BRINP3: variants seen among roughly 807,000 people sequenced by gnomAD.
BRINP3 encodes the protein BMP/retinoic acid inducible neural specific 3.
A neutral mutation model predicts 71.0 loss-of-function variants in BRINP3; 19 were observed. The observed-to-expected ratio is 0.27, with a 90% CI of 0.19 to 0.39. BRINP3 has a LOEUF of 0.39. Ranked by LOEUF, BRINP3 falls within the 10% of genes least tolerant of loss-of-function variation. BRINP3 has a pLI of 1.00. For missense variants in BRINP3, 959 were observed against 940.8 expected, an observed-to-expected ratio of 1.02 and a Z score of -0.25; for synonymous variants, 380 against 337.7, an observed-to-expected ratio of 1.13 and a Z score of -1.37.
At chr1:190,293,983 A>C (rs1664061339) in intron 2 of BRINP3, among the ~76,000 whole-genome samples, 1 of 152,124 alleles carries the variant, frequency 6.6e-6, no homozygotes, top group Admixed American at 6.6e-5. Context: ...TAATTCATTC[A>C]GCCACAAAAT....
At chr1:190,276,632 T>TAC (rs879430917) in intron 3 of BRINP3, among the ~76,000 whole-genome samples, 9 of 150,048 alleles carry the variant, frequency 6.0e-5, no homozygotes, top group Admixed American at 3.3e-4. Flanking sequence ...TAGTTTTACA[T>TAC]ACACACACAC....
At chr1:190,325,188 T>G (rs1207446365) in intron 2 of BRINP3, among the ~76,000 whole-genome samples, 1 of 151,988 alleles carries the variant, frequency 6.6e-6, no homozygotes, top group Non-Finnish European at 1.5e-5. Context: ...GTGTATTTTC[T>G]GTAATAAAAA....
intron 2 of BRINP3, among the ~76,000 whole-genome samples, chr1:190,404,646 T>G (rs74130739): frequency 0.022 from 3,297 of 152,296 alleles, 120 homozygotes; most frequent in African/African-American, 0.074. Flanking sequence ...TCATACGCAT[T>G]ATGTCATTTG....
chr1:190,447,292 TA>T (rs1213496565), intron 2 of BRINP3, among the ~76,000 whole-genome samples: 2 of 92,962 alleles, frequency 2.2e-5, no homozygotes, highest in Non-Finnish European at 5.2e-5. Flanking sequence ...ATATATAGTG[TA>T]AAATAGTATA....
At chr1:190,313,113 TA>T (rs1276654981) in intron 2 of BRINP3, among the ~76,000 whole-genome samples, 2 of 151,660 alleles carry the variant, frequency 1.3e-5, no homozygotes, top group African/African-American at 2.4e-5. Context: ...TGAAAAAAAA[TA>T]AGTAAAATTA....
intron 2 of BRINP3, among the ~76,000 whole-genome samples, chr1:190,389,367 C>G (rs1483596787): frequency 6.6e-6 from 1 of 151,482 alleles, no homozygotes; most frequent in Non-Finnish European, 1.5e-5. Flanking sequence ...ATGTGAATCT[C>G]AAGAAAAAAT....
At chr1:190,117,875 T>G (rs1653283745) in intron 7 of BRINP3, among the ~76,000 whole-genome samples, 1 of 152,060 alleles carries the variant, frequency 6.6e-6, no homozygotes, top group South Asian at 2.1e-4. Flanking sequence ...TTTCTCCTCA[T>G]GCCATTGACT....
intron 2 of BRINP3, among the ~76,000 whole-genome samples, chr1:190,430,513 C>G (rs1256666788): frequency 6.6e-6 from 1 of 152,034 alleles, no homozygotes; most frequent in Non-Finnish European, 1.5e-5. Flanking sequence ...GCTCAGTGTG[C>G]CTAAGCCAGA....
chr1:190,245,857 G>T (rs192323327), intron 4 of BRINP3, among the ~76,000 whole-genome samples: 30 of 149,514 alleles, frequency 2.0e-4, no homozygotes, highest in Admixed American at 8.8e-4. Flanking sequence ...GCGGTGTTTG[G>T]TTTTTTTGTC....
At chr1:190,306,684 T>A (rs1665124664) in intron 2 of BRINP3, among the ~76,000 whole-genome samples, 1 of 151,706 alleles carries the variant, frequency 6.6e-6, no homozygotes, top group South Asian at 2.1e-4. Context: ...TAATTCCATG[T>A]CCTAGAGCGC....
chr1:190,272,940 C>T lies in BRINP3; in HGVS notation c.428-7885G>A, dbSNP rs1238492100. 4.0e-5 allele frequency among the ~76,000 whole-genome samples: 6 copies of T among 151,532 alleles called. No individual in the cohort carries two copies. The East Asian group carries it at 9.7e-4, about 24-fold the overall frequency. On this transcript the variant is annotated intron_variant, in intron 3 of 7. Transcript: ENST00000367462. ...ATGACTATTTGATGTAAACTTGTTGCCTTGTGCTAACCTTCAACTTTTATA... is the reference window on the plus strand; with the variant it reads ...ATGACTATTTGATGTAAACTTGTTGTCTTGTGCTAACCTTCAACTTTTATA...
intron 2 of BRINP3, among the ~76,000 whole-genome samples, 163 bp from the exon 3 acceptor site, chr1:190,281,913 G>A (rs1231247605): frequency 1.3e-5 from 2 of 151,686 alleles, no homozygotes; most frequent in Non-Finnish European, 2.9e-5. Context: ...TTATTTAACT[G>A]GAGTGAATAC....
intron 7 of BRINP3, among the ~76,000 whole-genome samples, chr1:190,150,606 A>G (rs545522780): frequency 2.7e-4 from 41 of 152,258 alleles, no homozygotes; most frequent in Admixed American, 2.2e-3. Context: ...TCAGAATGAG[A>G]AGTTTAGGAC....
At chr1:190,469,273 T>C (rs1459841162) in intron 1 of BRINP3, among the ~76,000 whole-genome samples, 1 of 151,050 alleles carries the variant, frequency 6.6e-6, no homozygotes, top group Non-Finnish European at 1.5e-5. Context: ...ACTTACCACA[T>C]TTATAAAATG....
intron 4 of BRINP3, among the ~76,000 whole-genome samples, chr1:190,260,163 A>G (rs1035727388): frequency 6.6e-6 from 1 of 152,068 alleles, no homozygotes; most frequent in Non-Finnish European, 1.5e-5. Context: ...TCATGACAAG[A>G]TATTAGGTCA....
At chr1:190,156,171 T>A (rs779050772) in intron 7 of BRINP3, among the ~76,000 whole-genome samples, 3 of 152,108 alleles carry the variant, frequency 2.0e-5, no homozygotes, top group Non-Finnish European at 2.9e-5. Flanking sequence ...ATGTCAAGCT[T>A]TATTGAAAAG....
chr1:190,226,288 T>C lies in BRINP3; in HGVS notation c.755A>G (p.Gln252Arg), dbSNP rs752755498. The C allele has an allele frequency of 8.1e-6, 13 of 1,606,554 alleles. No homozygotes were observed. In the Admixed American group the frequency reaches 8.5e-5, roughly 10 times the overall value. The change falls in exon 6 of 8, where the codon CAG (glutamine) becomes CGG (arginine). Residue 252 changes from glutamine (Q) to arginine (R), a missense_variant. Transcript: ENST00000367462. ...CAAAGCTGCTTGTACAAAACGTTCCTGAAGATAGTCTGGGAGAAGTACTTG... is the reference window on the plus strand; with the variant it reads ...CAAAGCTGCTTGTACAAAACGTTCCCGAAGATAGTCTGGGAGAAGTACTTG... The part of the protein sequence containing the change: ...GLQVLLPDYL[Q>R]ERFVQAALSY...
At chr1:190,106,836 A>T (rs2102265533) in intron 7 of BRINP3, among the ~76,000 whole-genome samples, 1 of 151,996 alleles carries the variant, frequency 6.6e-6, no homozygotes, top group Non-Finnish European at 1.5e-5. Flanking sequence ...CATTAGTTTA[A>T]AGACAAATCA....
At chr1:190,320,361 C>A (rs575562154) in intron 2 of BRINP3, among the ~76,000 whole-genome samples, 4 of 152,018 alleles carry the variant, frequency 2.6e-5, no homozygotes, top group Non-Finnish European at 4.4e-5. Context: ...GTGAAGTTTA[C>A]ACAATGAACA....
Sources: allele counts gnomAD v4.1 joint callset (sites outside exome capture counted in the v4.1 genomes callset), GRCh38; gene constraint gnomAD v4.1.1; transcripts MANE v1.5; gene names NCBI Gene and HGNC (gene_info 2026-07-23, HGNC 2026-07-21).